The following DLGAP4 variants were observed in gnomAD, a reference collection of about 807,000 sequenced individuals.
The protein encoded by DLGAP4 is disks large-associated protein 4.
Under a neutral mutation model 86.9 loss-of-function variants are expected in DLGAP4, and 18 were observed. That is an observed-to-expected ratio of 0.21 (90% CI 0.14 to 0.31). The LOEUF (loss-of-function observed/expected upper bound fraction) is 0.31. Ranked by LOEUF, DLGAP4 falls within the 10% of genes least tolerant of loss-of-function variation. DLGAP4 has a pLI of 1.00. For synonymous variants in DLGAP4, 548 were observed against 574.3 expected (o/e 0.95, Z 0.65); for missense variants, 1,085 against 1,362.6 (o/e 0.80, Z 3.21).
chr20:36,347,904 A>G (rs1331825565), intron 1 of DLGAP4, among the ~76,000 whole-genome samples: 1 of 151,900 alleles, frequency 6.6e-6, no homozygotes, highest in South Asian at 2.1e-4. Context: ...TCAGGGCCTA[A>G]TTGGTGTCTC....
chr20:36,334,459 G>A (rs145905430), intron 1 of DLGAP4, among the ~76,000 whole-genome samples: 16 of 152,270 alleles, frequency 1.1e-4, no homozygotes, highest in South Asian at 4.1e-4. Context: ...GCATAGCAGC[G>A]GAGACAGGGC....
intron 10 of DLGAP4, among the ~76,000 whole-genome samples, chr20:36,506,769 CTTGTT>C (rs1259056413): frequency 6.6e-6 from 1 of 152,188 alleles, no homozygotes; most frequent in Non-Finnish European, 1.5e-5. Context: ...ATCTCTAGAA[CTTGTT>C]TTGTCTTCCC....
intron 2 of DLGAP4, among the ~76,000 whole-genome samples, chr20:36,389,963 G>A (rs1424436516): frequency 2.0e-5 from 3 of 152,188 alleles, no homozygotes; most frequent in Admixed American, 6.5e-5. Context: ...GTACTCTGGA[G>A]GCCATGAAAC....
intron 8 of DLGAP4, chr20:36,499,260 G>A (rs1368608938): frequency 3.1e-6 from 5 of 1,613,230 alleles, no homozygotes; most frequent in East Asian, 2.2e-5. Flanking sequence ...TAGAAGGAAC[G>A]GTTCCCACCT....
chr20:36,388,215 G>T (rs983029943), intron 2 of DLGAP4, among the ~76,000 whole-genome samples: 2 of 152,194 alleles, frequency 1.3e-5, no homozygotes, highest in Non-Finnish European at 2.9e-5. Flanking sequence ...TCCTTTGTAT[G>T]TTCTCTTCGC....
At chr20:36,339,099 A>AT (rs1272105651) in intron 1 of DLGAP4, among the ~76,000 whole-genome samples, 5 of 152,028 alleles carry the variant, frequency 3.3e-5, no homozygotes, top group Non-Finnish European at 5.9e-5. Flanking sequence ...GTGTGCATTC[A>AT]TTTTTTTGAG....
chr20:36,315,062 G>GGTGTC (rs2065085962), intron 1 of DLGAP4, among the ~76,000 whole-genome samples: 1 of 19,528 alleles, frequency 5.1e-5, no homozygotes, highest in African/African-American at 1.9e-4. Context: ...CCCCCCGTGT[G>GGTGTC]TGGTGTGATG....
chr20:36,366,615 G>A lies in DLGAP4; in HGVS notation c.-303-430G>A, dbSNP rs77518990. ...GGTGGGGAAACTGAGGCTCAGAAAGGGGAAGCTGCCTCCCTGGTGTCACCC... is the reference window on the plus strand; with the variant it reads ...GGTGGGGAAACTGAGGCTCAGAAAGAGGAAGCTGCCTCCCTGGTGTCACCC... On this transcript the variant is annotated intron_variant, in intron 1 of 12. Coordinates refer to ENST00000339266, the MANE Select transcript of DLGAP4 (RefSeq NM_001365621.2). Among the ~76,000 whole-genome samples the A allele has an allele frequency of 1.8e-4, 27 of 152,258 alleles. No individual in the cohort carries two copies. The East Asian group carries it at 5.0e-3, about 28-fold the overall frequency.
intron 2 of DLGAP4, among the ~76,000 whole-genome samples, chr20:36,417,301 G>A (rs2032683532): frequency 6.6e-6 from 1 of 152,220 alleles, no homozygotes; most frequent in Admixed American, 6.5e-5. Flanking sequence ...TGGGAGCGCT[G>A]GGGAAGTAAC....
chr20:36,461,748 T>TCCGCCCGTCCGTCCGC, intron 7 of DLGAP4: 1 of 852,112 alleles, frequency 1.2e-6, no homozygotes, highest in East Asian at 1.8e-4. Flanking sequence ...CGTCCGTCCG[T>TCCGCCCGTCCGTCCGC]CCGCCCGCCC....
At position 36,432,540 on chromosome 20, in the gene DLGAP4, G is replaced by GCCA; in HGVS notation, c.826_828dup (p.Thr276dup). ...CCCACCACCCCCGCCCGCACCCCCA[G>GCCA]CCACCTGCCCCAGCCTTGGGGTGGG... On this transcript the variant is annotated inframe_insertion, in exon 3 of 13. Coordinates refer to ENST00000339266, the MANE Select transcript of DLGAP4 (RefSeq NM_001365621.2). The surrounding 1 kb of genome is among the most constrained non-coding windows in gnomAD (Gnocchi z 6.5). 1 of 1,437,670 alleles carries GCCA rather than the reference G, an allele frequency of 7.0e-7. No homozygotes were observed. Among genetic ancestry groups the GCCA allele is most frequent in the Non-Finnish European group, 9.4e-7 (1 of 1,065,152 alleles). 89.1% of individuals were successfully genotyped at this position (1,437,670 alleles called of 1,614,324 possible). A position where few individuals can be genotyped will look rare whatever the true frequency, so the allele number is the denominator to read the frequency against.
intron 1 of DLGAP4, among the ~76,000 whole-genome samples, chr20:36,341,987 C>T (rs1276388642): frequency 6.6e-6 from 1 of 152,210 alleles, no homozygotes; most frequent in Non-Finnish European, 1.5e-5. Flanking sequence ...AGAGTGGGAA[C>T]AGCAGCAGGC....
At chr20:36,429,162 C>T (rs2033059710) in intron 2 of DLGAP4, among the ~76,000 whole-genome samples, 2 of 152,124 alleles carry the variant, frequency 1.3e-5, no homozygotes, top group African/African-American at 2.4e-5. Context: ...TCACTGCAAC[C>T]TCCACCTCCA....
intron 1 of DLGAP4, among the ~76,000 whole-genome samples, chr20:36,355,137 C>G (rs2030283194): frequency 1.3e-5 from 2 of 152,168 alleles, no homozygotes; most frequent in African/African-American, 4.8e-5. Flanking sequence ...GGTCCCCACT[C>G]CCACCCCTGG....
intron 2 of DLGAP4, among the ~76,000 whole-genome samples, chr20:36,422,572 G>A (rs2032858790): frequency 6.6e-6 from 1 of 152,214 alleles, no homozygotes; most frequent in Non-Finnish European, 1.5e-5. Context: ...TCTGGCTTAA[G>A]GGAATGATGC....
At chr20:36,492,641 A>G (rs1349591009) in intron 7 of DLGAP4, 3 of 152,264 alleles carry the variant, frequency 2.0e-5, no homozygotes, top group Non-Finnish European at 4.4e-5. Context: ...CACACTCTTC[A>G]TGGACAGTGT....
chr20:36,498,339 A>G (rs945330818), intron 8 of DLGAP4: 3 of 152,248 alleles, frequency 2.0e-5, no homozygotes, highest in South Asian at 4.1e-4. Context: ...GGATTCTCAG[A>G]AACACAGAGA....
At chr20:36,404,750 GATGAATGA>G (rs112826447) in intron 2 of DLGAP4, among the ~76,000 whole-genome samples, 15,313 of 151,416 alleles carry the variant, frequency 0.1, 951 homozygotes, top group East Asian at 0.22. Flanking sequence ...TTGTTGGTTG[GATGAATGA>G]ATGAATGAAT....
intron 7 of DLGAP4, among the ~76,000 whole-genome samples, chr20:36,469,904 A>G (rs999151267): frequency 1.3e-5 from 2 of 151,920 alleles, no homozygotes; most frequent in Admixed American, 6.6e-5. Context: ...CCTTGTGTGA[A>G]TTTTCTGCAG....
Sources: allele counts gnomAD v4.1 joint callset (sites outside exome capture counted in the v4.1 genomes callset), GRCh38; gene constraint gnomAD v4.1.1; non-coding constraint Gnocchi (gnomAD v3.1); transcripts MANE v1.5; gene names NCBI Gene and HGNC (gene_info 2026-07-23, HGNC 2026-07-21).